DNAH14: variants seen among roughly 807,000 people sequenced by gnomAD.
DNAH14 encodes the protein axonemal beta dynein heavy chain 14.
A neutral mutation model predicts 520.9 loss-of-function variants in DNAH14; 478 were observed. That is an observed-to-expected ratio of 0.92 (90% confidence interval 0.85 to 0.99). The LOEUF (loss-of-function observed/expected upper bound fraction) is 0.99, where lower values mean the gene tolerates loss of function less well. Ranked by LOEUF, DNAH14 falls within the 50% of genes least tolerant of loss-of-function variation. The pLI is 0.00. For synonymous variants in DNAH14, 1,581 were observed against 1,757.2 expected, an observed-to-expected ratio of 0.90 and a Z score of 2.51; for missense variants, 4,831 against 5,234.5, an observed-to-expected ratio of 0.92 and a Z score of 2.38.
At chr1:225,287,729 C>T (rs1171267517) in intron 54 of DNAH14, among the ~76,000 whole-genome samples, 3 of 151,914 alleles carry the variant, frequency 2.0e-5, no homozygotes, top group Non-Finnish European at 4.4e-5. Flanking sequence ...ACCAGGACTC[C>T]TTGGGAAAAT....
At chr1:225,351,446 A>G (rs965314477) in intron 71 of DNAH14, among the ~76,000 whole-genome samples, 2 of 152,158 alleles carry the variant, frequency 1.3e-5, no homozygotes, top group Admixed American at 1.3e-4. Flanking sequence ...TTTTACCACA[A>G]TAAAAACAAT....
intron 38 of DNAH14, among the ~76,000 whole-genome samples, chr1:225,200,238 A>C (rs2086649235): frequency 6.6e-6 from 1 of 152,062 alleles, no homozygotes; most frequent in South Asian, 2.1e-4. Context: ...GTGTTAGGTG[A>C]GTCTCTTGAA....
In DNAH14 at chr1:225,152,800, T is replaced by C. The variant is rs2080629018; in HGVS notation, c.5113T>C (p.Ser1705Pro). ...AATGATTGCTGAAATAATATTGTTT[T>C]CATTTGGTTTCAAATCTGCAAATTC... The part of the protein sequence containing the change: ...YQMIAEIILF[S>P]FGFKSANSLS... Residue 1705 changes from serine (S) to proline (P), a missense_variant, in exon 33 of 86, where the codon TCA (serine) becomes CCA (proline). Physicochemically the swap from Ser to Pro is moderately conservative, Grantham distance 74. Transcript: ENST00000682510. 2.6e-6 allele frequency: 4 copies of C among 1,551,484 alleles called. No individual in the cohort carries two copies. The highest frequency in any genetic ancestry group is 3.5e-6 in the Non-Finnish European group (4 of 1,146,858).
chr1:225,204,815 C>T (rs1265094539), intron 39 of DNAH14, among the ~76,000 whole-genome samples: 3 of 152,196 alleles, frequency 2.0e-5, no homozygotes, highest in Non-Finnish European at 4.4e-5. Flanking sequence ...ACACATCCAC[C>T]ATTAGTACAT....
At chr1:225,163,362 C>G (rs1296614682) in intron 35 of DNAH14, among the ~76,000 whole-genome samples, 2 of 152,024 alleles carry the variant, frequency 1.3e-5, no homozygotes, top group Admixed American at 1.3e-4. Context: ...TTTCTCTTGT[C>G]TGATTGCTCC....
chr1:225,241,604 C>T (rs1300844566), intron 43 of DNAH14, among the ~76,000 whole-genome samples: 2 of 152,084 alleles, frequency 1.3e-5, no homozygotes, highest in African/African-American at 2.4e-5. Context: ...CTACTACACA[C>T]CTAGGCTATA....
Position 224,960,309 on chromosome 1 carries a change from G to T in DNAH14, c.367+7G>T, listed in dbSNP as rs775996924. 1.3e-6 allele frequency: 2 copies of T among 1,564,792 alleles called. No homozygotes were observed. The highest frequency in any genetic ancestry group is 2.4e-5 in the South Asian group (2 of 81,842). On this transcript the variant is annotated splice_region_variant and intron_variant, in intron 4 of 85. Transcript: ENST00000682510. The stretch of plus-strand genomic sequence containing the variant: ...GTGTCCTATGATAGAACAGGTATGT[G>T]GTATCACTGAACCAATTGCTTAGAA...
chr1:225,013,789 G>T (rs1053198121), intron 10 of DNAH14, among the ~76,000 whole-genome samples: 4 of 152,122 alleles, frequency 2.6e-5, no homozygotes, highest in Admixed American at 1.3e-4. Flanking sequence ...CTCAGTAATG[G>T]TGGATGCCCC....
At chr1:225,203,069 G>A (rs1281427916) in intron 38 of DNAH14, among the ~76,000 whole-genome samples, 1 of 152,146 alleles carries the variant, frequency 6.6e-6, no homozygotes, top group African/African-American at 2.4e-5. Context: ...CCCCAGTCCT[G>A]CAGGAGCAAT....
intron 63 of DNAH14, 129 bp from the exon 64 acceptor site, chr1:225,324,608 A>G: frequency 1.1e-6 from 1 of 944,460 alleles, no homozygotes; most frequent in South Asian, 1.7e-5. Flanking sequence ...TGTACCCCAC[A>G]TATACATATA....
chr1:224,944,128 C>G (rs9426150), intron 1 of DNAH14, among the ~76,000 whole-genome samples: 22,831 of 152,038 alleles, frequency 0.15, 3,168 homozygotes, highest in African/African-American at 0.36. Flanking sequence ...GTGTGGGAGT[C>G]TAAGTCTCTT....
intron 15 of DNAH14, among the ~76,000 whole-genome samples, chr1:225,048,793 C>T (rs985143947): frequency 3.9e-5 from 6 of 152,022 alleles, no homozygotes; most frequent in Non-Finnish European, 5.9e-5. Flanking sequence ...GACTGTTTTG[C>T]AAAGTGGTTG....
At chr1:225,267,940 G>C (rs1256632849) in intron 49 of DNAH14, among the ~76,000 whole-genome samples, 1 of 151,924 alleles carries the variant, frequency 6.6e-6, no homozygotes, top group African/African-American at 2.4e-5. Flanking sequence ...AGGAAATAGG[G>C]TCTGGAATGC....
intron 11 of DNAH14, among the ~76,000 whole-genome samples, chr1:225,036,138 G>C (rs1387897758): frequency 1.3e-5 from 2 of 151,788 alleles, no homozygotes; most frequent in Admixed American, 1.3e-4. Flanking sequence ...TTTTTCTTTT[G>C]TTTTGTTTTG....
chr1:225,256,348 G>A (rs983625686), intron 44 of DNAH14, among the ~76,000 whole-genome samples: 2 of 152,144 alleles, frequency 1.3e-5, no homozygotes, highest in African/African-American at 4.8e-5. Context: ...GGCTGGAGTA[G>A]GGTAGAAAAC....
chr1:225,206,200 G>T, intron 40 of DNAH14, 21 bp downstream of exon 40: 1 of 1,516,940 alleles, frequency 6.6e-7, no homozygotes. Flanking sequence ...AAAAACAAAT[G>T]TTTTAACAAA....
At chr1:225,060,400 T>A (rs2069868793) in intron 17 of DNAH14, among the ~76,000 whole-genome samples, 1 of 152,176 alleles carries the variant, frequency 6.6e-6, no homozygotes, top group South Asian at 2.1e-4. Flanking sequence ...TTGGTTATTC[T>A]AGTTAGCCAT....
intron 21 of DNAH14, among the ~76,000 whole-genome samples, chr1:225,095,801 A>G (rs1438478823): frequency 6.6e-6 from 1 of 152,184 alleles, no homozygotes; most frequent in African/African-American, 2.4e-5. Context: ...ATAGTTTCAG[A>G]AAGTAGATCA....
At chr1:224,943,504 C>T (rs894260357) in intron 1 of DNAH14, among the ~76,000 whole-genome samples, 1 of 152,116 alleles carries the variant, frequency 6.6e-6, no homozygotes, top group African/African-American at 2.4e-5. Context: ...TTCAGTTCTG[C>T]TCTGATCTTA....
Sources: allele counts gnomAD v4.1 joint callset (sites outside exome capture counted in the v4.1 genomes callset), GRCh38; gene constraint gnomAD v4.1.1; transcripts MANE v1.5; gene names NCBI Gene and HGNC (gene_info 2026-07-23, HGNC 2026-07-21).